Variants in AGO1 observed in about 807,000 individuals in gnomAD.
AGO1 encodes protein argonaute-1.
A neutral mutation model predicts 109.2 loss-of-function variants in AGO1; 11 were observed. The ratio of observed to expected loss-of-function variants is 0.10; its 90% CI spans 0.06 to 0.17. The LOEUF is 0.17. AGO1 is among the 10% of genes least tolerant of loss of function. AGO1 has a pLI of 1.00. For synonymous variants in AGO1, 422 were observed against 418.6 expected (o/e 1.01, Z -0.10); for missense variants, 574 against 1,140.3 (o/e 0.50, Z 7.15).
Position 35,913,942 on chromosome 1 carries a change from C to T in AGO1, c.1683C>T (p.Leu561=). Residue 561 remains leucine, a synonymous_variant, in exon 13 of 19, where the codon CTC becomes CTT. Transcript: ENST00000373204. ...CCTCACCTCAGACTCTGTCCAACCT[C>T]TGCCTCAAGATCAATGTCAAACTTG... The part of the protein sequence containing the change: ...VKTSPQTLSN[L]CLKINVKLGG... 6.2e-7 allele frequency: 1 copy of T among 1,614,162 alleles called. No homozygotes were observed. Among genetic ancestry groups the T allele is most frequent in the South Asian group, 1.1e-5 (1 of 91,084 alleles).
intron 1 of AGO1, chr1:35,870,036 A>T (rs1023589574): frequency 6.6e-6 from 1 of 151,922 alleles, no homozygotes; most frequent in Non-Finnish European, 1.5e-5. Context: ...TTAATTTTTA[A>T]TTTTTATTTA....
rs1360125137 is a variant in AGO1, at chr1:35,919,425, C to G, written c.2466-74C>G. The G allele has an allele frequency of 9.3e-6, 14 of 1,509,466 alleles. No homozygotes were observed. Among genetic ancestry groups the G allele is most frequent in the Non-Finnish European group, 1.3e-5 (14 of 1,109,928 alleles). 93.5% of individuals were successfully genotyped at this position (1,509,466 alleles called of 1,614,324 possible). The stretch of plus-strand genomic sequence containing the variant: ...TTAAGTTGGTATGGGAATTGGCATC[C>G]CAGGGCTGGGCGAGGGAATTAGCAG... On this transcript the variant is annotated intron_variant, in intron 18 of 18. Coordinates refer to ENST00000373204, the MANE Select transcript of AGO1 (RefSeq NM_012199.5). The surrounding 1 kb of genome is among the most constrained non-coding windows in gnomAD (Gnocchi z 6.6).
upstream of AGO1, among the ~76,000 whole-genome samples, chr1:35,878,952 G>A (rs1645013312): frequency 6.6e-6 from 1 of 151,230 alleles, no homozygotes; most frequent in African/African-American, 2.4e-5. Flanking sequence ...ACTTTTCTCA[G>A]GCCATTCTTA....
intron 1 of AGO1, among the ~76,000 whole-genome samples, chr1:35,875,735 A>C (rs983851202): frequency 1.4e-4 from 21 of 151,856 alleles, no homozygotes; most frequent in African/African-American, 5.1e-4. Flanking sequence ...TTTTAAGTCC[A>C]CTCTTTAGAT....
chr1:35,902,335 C>T lies in AGO1; in HGVS notation c.1395C>T (p.Leu465=), dbSNP rs1023867293. 14 of 1,613,590 alleles carry T rather than the reference C, an allele frequency of 8.7e-6. No homozygotes were observed. Among genetic ancestry groups the T allele is most frequent in the Non-Finnish European group, 1.1e-5 (13 of 1,179,780 alleles). ...APQKQCREEV[L]KNFTDQLRKI... is the part of the protein sequence containing the mutation. ...AAAAACAGTGTCGAGAAGAGGTGCTCAAGTAAGGAGGGTTCGCTGTAGGGG... is the reference window on the plus strand; with the variant it reads ...AAAAACAGTGTCGAGAAGAGGTGCTTAAGTAAGGAGGGTTCGCTGTAGGGG... Residue 465 remains leucine, a splice_region_variant and synonymous_variant, in exon 11 of 19, where the codon CTC becomes CTT. Coordinates refer to ENST00000373204, the MANE Select transcript of AGO1 (RefSeq NM_012199.5).
Position 35,893,570 on chromosome 1 carries a change from G to A in AGO1, c.513-104G>A, listed in dbSNP as rs1180282719. ...GTAAAGCATCAGAGCTGGCATTAAA[G>A]CCCCGGTGTCCTGCCTTTCAGGCCA... On this transcript the variant is annotated intron_variant, in intron 4 of 18. Transcript: ENST00000373204. This position sits in a 1 kb window ranked among gnomAD's most constrained non-coding sequence, Gnocchi z 5.6. The A allele has an allele frequency of 5.6e-6, 7 of 1,246,192 alleles. No homozygotes were observed. The highest frequency in any genetic ancestry group is 1.5e-5 in the African/African-American group (1 of 66,198). 77.2% of individuals were successfully genotyped at this position (1,246,192 alleles called of 1,614,324 possible). A position where few individuals can be genotyped will look rare whatever the true frequency, so the allele number is the denominator to read the frequency against.
rs920167348 is a variant in AGO1, at chr1:35,928,241, C to G, written c.*8634C>G. On this transcript the variant is annotated 3_prime_UTR_variant, in exon 19 of 19. Coordinates refer to ENST00000373204, the MANE Select transcript of AGO1 (RefSeq NM_012199.5). ...TATTGATCATCTTTTCATGTGCTCA[C>G]TTACTATCCCCATATCTTTGTTGTT... The G allele has an allele frequency of 7.2e-5, 11 of 152,198 alleles. No individual in the cohort carries two copies. The highest frequency in any genetic ancestry group is 2.7e-4 in the African/African-American group (11 of 41,438). 9.4% of individuals were successfully genotyped at this position (152,198 alleles called of 1,614,324 possible). A position where few individuals can be genotyped will look rare whatever the true frequency, so the allele number is the denominator to read the frequency against.
Position 35,883,362 on chromosome 1 carries a change from G to A in AGO1, c.-60G>A. 3.2e-6 allele frequency: 5 copies of A among 1,580,622 alleles called. No homozygotes were observed. Among genetic ancestry groups the A allele is most frequent in the Non-Finnish European group, 4.3e-6 (5 of 1,165,864 alleles). ...GAGCAGCGAGAGTGTGGGGTACCTA[G>A]GCCCCTCACGCTGGACTTCACAGTC... On this transcript the variant is annotated 5_prime_UTR_variant, in exon 1 of 19. Transcript: ENST00000373204. This position sits in a 1 kb window ranked among gnomAD's most constrained non-coding sequence, Gnocchi z 5.4.
Position 35,922,276 on chromosome 1 carries a change from A to C in AGO1, c.*2669A>C, listed in dbSNP as rs1645846742. 6.5e-6 allele frequency: 1 copy of C among 152,704 alleles called. No individual in the cohort carries two copies. The highest frequency in any genetic ancestry group is 1.5e-5 in the Non-Finnish European group (1 of 68,054). 9.5% of individuals were successfully genotyped at this position (152,704 alleles called of 1,614,324 possible). ...AATCAGCTTTGGGCAATGACAAGAA[A>C]TGAGTTCTTACTCTGATTTTTTTGT... On this transcript the variant is annotated 3_prime_UTR_variant, in exon 19 of 19. Transcript: ENST00000373204.
intron 13 of AGO1, 61 bp from the exon 14 acceptor site, chr1:35,914,123 G>A (rs1284158333): frequency 6.3e-7 from 1 of 1,595,474 alleles, no homozygotes; most frequent in East Asian, 2.2e-5. Flanking sequence ...AGTGGGTACT[G>A]GATGGTGCCA....
intron 8 of AGO1, among the ~76,000 whole-genome samples, chr1:35,900,888 A>C (rs80243809): frequency 0.088 from 13,334 of 152,068 alleles, 2,024 homozygotes; most frequent in East Asian, 0.68. Flanking sequence ...AGCCTGGGTA[A>C]CAGAGCGAGA....
chr1:35,885,497 G>A (rs1042204823), intron 1 of AGO1, among the ~76,000 whole-genome samples: 2 of 152,260 alleles, frequency 1.3e-5, no homozygotes, highest in Non-Finnish European at 2.9e-5. Flanking sequence ...TCTGGAAGCT[G>A]CAAATTGAGG....
intron 15 of AGO1, among the ~76,000 whole-genome samples, 167 bp downstream of exon 15, chr1:35,915,709 A>G (rs1281058830): frequency 6.6e-6 from 1 of 152,230 alleles, no homozygotes; most frequent in South Asian, 2.1e-4. Flanking sequence ...GGAGTGTACA[A>G]GCATCTGTAG....
chr1:35,873,689 AC>A (rs1332467863), intron 1 of AGO1: 1 of 153,050 alleles, frequency 6.5e-6, no homozygotes, highest in East Asian at 1.9e-4. Context: ...GATCAGCTTC[AC>A]CTCTTCTCTC....
chr1:35,907,228 G>A (rs971383701), intron 12 of AGO1, 109 bp downstream of exon 12: 2 of 1,010,766 alleles, frequency 2.0e-6, no homozygotes, highest in Admixed American at 3.1e-5. Flanking sequence ...GACCAGAGCT[G>A]TTACTTAATG....
At position 35,918,513 on chromosome 1, in the gene AGO1, A is replaced by G. The variant is rs558883044; in HGVS notation, c.2265+90A>G. The G allele has an allele frequency of 2.1e-5, 22 of 1,044,016 alleles. No individual in the cohort carries two copies. The South Asian group carries it at 2.7e-4, about 13-fold the overall frequency. 64.7% of individuals were successfully genotyped at this position (1,044,016 alleles called of 1,614,324 possible). On this transcript the variant is annotated intron_variant, in intron 17 of 18. Transcript: ENST00000373204. ...AGAATGTATCAGTCATCACTGAATGACATCCAAATTAGGATTGCTCTCTTT... is the reference window on the plus strand; with the variant it reads ...AGAATGTATCAGTCATCACTGAATGGCATCCAAATTAGGATTGCTCTCTTT...
intron 14 of AGO1, 61 bp from the exon 15 acceptor site, chr1:35,915,287 C>A: frequency 6.6e-7 from 1 of 1,512,184 alleles, no homozygotes; most frequent in Non-Finnish European, 9.1e-7. Flanking sequence ...TTTCCACAAA[C>A]CCATAGCCTG....
chr1:35,886,553 C>T (rs1387158541), intron 1 of AGO1, among the ~76,000 whole-genome samples: 1 of 152,108 alleles, frequency 6.6e-6, no homozygotes, highest in African/African-American at 2.4e-5. Context: ...ACTAGCCCCC[C>T]AGCTCTAGGA....
chr1:35,914,142 A>G, intron 13 of AGO1, 42 bp from the exon 14 acceptor site: 1 of 1,604,764 alleles, frequency 6.2e-7, no homozygotes, highest in Non-Finnish European at 8.5e-7. Context: ...CAGCTAGAGA[A>G]GACCCAGCGC....
Sources: gnomAD v4.1 joint callset for allele counts (sites outside exome capture counted in the v4.1 genomes callset) on GRCh38, gnomAD v4.1.1 for gene constraint, Gnocchi (gnomAD v3.1) non-coding constraint, MANE v1.5 for transcripts, NCBI Gene and HGNC (gene_info 2026-07-23, HGNC 2026-07-21) for gene names.